Variants in CADPS2 observed in about 807,000 individuals in gnomAD.
CADPS2 encodes the protein calcium dependent secretion activator 2, also known as calcium-dependent secretion activator 2.
CADPS2 carries 93 observed loss-of-function variants against 172.5 expected under a neutral mutation model. The ratio of observed to expected loss-of-function variants is 0.54; its 90% CI spans 0.46 to 0.64. CADPS2 has a LOEUF of 0.64. Among genes scored for constraint, CADPS2 ranks in the 30% least tolerant of loss-of-function variants. The pLI is 0.00. For synonymous variants in CADPS2, 546 were observed against 555.2 expected, an observed-to-expected ratio of 0.98 and a Z score of 0.23; for missense variants, 1,420 against 1,565.9, an observed-to-expected ratio of 0.91 and a Z score of 1.57.
intron 6 of CADPS2, among the ~76,000 whole-genome samples, chr7:122,590,330 T>G (rs2070582539): frequency 6.6e-6 from 1 of 151,926 alleles, no homozygotes; most frequent in Admixed American, 6.6e-5. Flanking sequence ...ACACATATGG[T>G]CAAATGTAAT....
chr7:122,341,240 G>A (rs2036741490), intron 28 of CADPS2, among the ~76,000 whole-genome samples: 1 of 152,294 alleles, frequency 6.6e-6, no homozygotes. Context: ...TTAATCTACT[G>A]CACATGCTAC....
intron 3 of CADPS2, among the ~76,000 whole-genome samples, chr7:122,638,168 G>A (rs2077255876): frequency 6.6e-6 from 1 of 152,114 alleles, no homozygotes; most frequent in African/African-American, 2.4e-5. Context: ...TAGGTGTTCT[G>A]GGCTATAGAG....
intron 14 of CADPS2, among the ~76,000 whole-genome samples, chr7:122,456,661 A>G (rs2053817375): frequency 6.6e-6 from 1 of 152,210 alleles, no homozygotes; most frequent in Non-Finnish European, 1.5e-5. Context: ...AATTTGTACA[A>G]CAGAACCTTC....
intron 3 of CADPS2, among the ~76,000 whole-genome samples, chr7:122,653,813 G>A (rs1282931402): frequency 1.3e-5 from 2 of 152,072 alleles, no homozygotes; most frequent in East Asian, 3.9e-4. Context: ...ACCATGAACT[G>A]CTCCCATACG....
intron 8 of CADPS2, 66 bp downstream of exon 8, chr7:122,554,484 G>A (rs1231993878): frequency 1.4e-6 from 2 of 1,469,164 alleles, no homozygotes; most frequent in African/African-American, 2.8e-5. Flanking sequence ...TCACTAAACT[G>A]ACAAAAATAA....
chr7:122,352,995 T>C (rs976389657), intron 27 of CADPS2, among the ~76,000 whole-genome samples: 5 of 152,132 alleles, frequency 3.3e-5, no homozygotes, highest in African/African-American at 9.7e-5. Context: ...ACAATAACAA[T>C]TTATTGCAAC....
intron 7 of CADPS2, among the ~76,000 whole-genome samples, chr7:122,572,923 C>T (rs1563743159): frequency 6.6e-6 from 1 of 152,106 alleles, no homozygotes; most frequent in Admixed American, 6.6e-5. Flanking sequence ...ACCTCTATTT[C>T]CGTAAATAGG....
chr7:122,624,163 C>G (rs1251394135), intron 4 of CADPS2, among the ~76,000 whole-genome samples: 1 of 152,122 alleles, frequency 6.6e-6, no homozygotes, highest in African/African-American at 2.4e-5. Flanking sequence ...CCCTCACTGG[C>G]AAACAACAAA....
intron 1 of CADPS2, among the ~76,000 whole-genome samples, chr7:122,781,475 T>G (rs1792706593): frequency 6.6e-6 from 1 of 152,208 alleles, no homozygotes; most frequent in Non-Finnish European, 1.5e-5. Context: ...TTATCCCATT[T>G]ATACTTCACT....
intron 1 of CADPS2, among the ~76,000 whole-genome samples, chr7:122,883,386 A>T (rs1823472344): frequency 6.6e-6 from 1 of 152,302 alleles, no homozygotes; most frequent in Admixed American, 6.5e-5. Flanking sequence ...AAGTTGAGAG[A>T]AGTGAGTAAG....
rs3034549 is a variant in CADPS2, at chr7:122,708,461, GATATAT to G, written c.453+28488_453+28493del. Among the ~76,000 whole-genome samples the G allele has an allele frequency of 5.3e-3, 677 of 127,972 alleles. 5 individuals carry two copies. The highest frequency in any genetic ancestry group is 0.013 in the Middle Eastern group (2 of 158). The allele number at this position is 127,972 out of a possible 152,430, so 84.0% of individuals were successfully genotyped here. On this transcript the variant is annotated intron_variant, in intron 2 of 29. Transcript: ENST00000449022. ...GTGTGTGTATATATATATGTGTGTG[GATATAT>G]ATATATATATATATATATATTGGAT...
chr7:122,800,075 G>A (rs1445879803), intron 1 of CADPS2, among the ~76,000 whole-genome samples: 2 of 152,102 alleles, frequency 1.3e-5, no homozygotes, highest in African/African-American at 2.4e-5. Context: ...TTTAACAAGT[G>A]GAAAAGTAGC....
intron 1 of CADPS2, among the ~76,000 whole-genome samples, chr7:122,738,850 G>A (rs2137884864): frequency 7.9e-6 from 1 of 126,530 alleles, no homozygotes; most frequent in Non-Finnish European, 1.7e-5. Context: ...GTACCCAGGG[G>A]GGGAAAAAAA....
chr7:122,879,333 C>T (rs564256582), intron 1 of CADPS2, among the ~76,000 whole-genome samples: 7 of 148,632 alleles, frequency 4.7e-5, no homozygotes, highest in South Asian at 4.3e-4. Context: ...GTCAGGAGTT[C>T]GAGACCAGCC....
At chr7:122,707,275 G>C (rs67263105) in intron 2 of CADPS2, among the ~76,000 whole-genome samples, 10,083 of 151,978 alleles carry the variant, frequency 0.066, 383 homozygotes, top group South Asian at 0.17. Context: ...CAGAATAAAA[G>C]AGTTACATGC....
At position 122,460,385 on chromosome 7, in the gene CADPS2, G is replaced by A. The variant is rs1016317812; in HGVS notation, c.2187-8910C>T. The stretch of plus-strand genomic sequence containing the variant: ...CTTTACAGCTGCATCCAAGGGAATG[G>A]ATCACTGAGCCATAGACCTAATTTG... On this transcript the variant is annotated intron_variant, in intron 14 of 29. Transcript: ENST00000449022. Among the ~76,000 whole-genome samples the A allele has an allele frequency of 3.9e-5, 6 of 151,944 alleles. No homozygotes were observed. In the South Asian group the frequency reaches 8.4e-4, roughly 21 times the overall value.
chr7:122,682,613 G>A (rs2083174422), intron 2 of CADPS2, among the ~76,000 whole-genome samples: 1 of 152,068 alleles, frequency 6.6e-6, no homozygotes. Context: ...GTGTTCCCAT[G>A]CTGTCTTACA....
intron 7 of CADPS2, among the ~76,000 whole-genome samples, chr7:122,555,319 C>T (rs1325236818): frequency 6.6e-6 from 1 of 151,920 alleles, no homozygotes; most frequent in Non-Finnish European, 1.5e-5. Context: ...ATTTCACAAC[C>T]CTCACTTCAC....
chr7:122,663,592 C>CA lies in CADPS2; in HGVS notation c.454-24dup. Reference sequence around the variant, plus strand: ...AACCTGAAAACAAAACAAAACAAAACAAAACAAAAAACAATTACAATTAGG... The same window carrying CA: ...AACCTGAAAACAAAACAAAACAAAACAAAAACAAAAAACAATTACAATTAGG... On this transcript the variant is annotated intron_variant, in intron 2 of 29. Coordinates refer to ENST00000449022, the MANE Select transcript of CADPS2 (RefSeq NM_017954.11). The CA allele has an allele frequency of 2.6e-6, 4 of 1,524,110 alleles. No homozygotes were observed. In the African/African-American group the frequency reaches 4.2e-5, roughly 16 times the overall value. The allele number at this position is 1,524,110 out of a possible 1,614,324, so 94.4% of individuals were successfully genotyped here.
Sources: allele counts gnomAD v4.1 joint callset (sites outside exome capture counted in the v4.1 genomes callset), GRCh38; gene constraint gnomAD v4.1.1; transcripts MANE v1.5; gene names NCBI Gene and HGNC (gene_info 2026-07-23, HGNC 2026-07-21).